The following ADAMTS12 variants were observed in gnomAD, a reference collection of about 807,000 sequenced individuals.
The protein encoded by ADAMTS12 is ADAM metallopeptidase with thrombospondin type 1 motif 12, also known as A disintegrin and metalloproteinase with thrombospondin motifs 12.
A neutral mutation model predicts 167.8 loss-of-function variants in ADAMTS12; 118 were observed. That is an observed-to-expected ratio of 0.70 (90% CI 0.61 to 0.82). The LOEUF (loss-of-function observed/expected upper bound fraction) is 0.82. Ranked by LOEUF, ADAMTS12 falls within the 40% of genes least tolerant of loss-of-function variation. The probability of loss-of-function intolerance (pLI) is 0.00; values close to 1 mark genes in which losing one functional copy is unlikely to be tolerated. For missense variants in ADAMTS12, 1,916 were observed against 1,998.8 expected (o/e 0.96, Z 0.79); for synonymous variants, 704 against 716.9 (o/e 0.98, Z 0.29).
At chr5:33,857,988 G>C (rs1749470950) in intron 2 of ADAMTS12, among the ~76,000 whole-genome samples, 1 of 152,110 alleles carries the variant, frequency 6.6e-6, no homozygotes, top group Non-Finnish European at 1.5e-5. Context: ...TAAAGTAAAA[G>C]AATTCAACAA....
intron 2 of ADAMTS12, among the ~76,000 whole-genome samples, chr5:33,761,507 G>A (rs1234400557): frequency 6.6e-6 from 1 of 152,218 alleles, no homozygotes; most frequent in Non-Finnish European, 1.5e-5. Flanking sequence ...TCACAGCAGA[G>A]AAAGGGTAAC....
In ADAMTS12 at chr5:33,559,750, G is replaced by A. The variant is rs533128030; in HGVS notation, c.4125+1277C>T. 2.6e-5 allele frequency among the ~76,000 whole-genome samples: 4 copies of A among 152,208 alleles called. No homozygotes were observed. The East Asian group carries it at 7.7e-4, about 29-fold the overall frequency. Reference sequence around the variant, plus strand: ...ACAAAAATCAGCCTGGTATGGTGGTGCATGCCTGTAATCCCAGCTACCCGG... The same window carrying A: ...ACAAAAATCAGCCTGGTATGGTGGTACATGCCTGTAATCCCAGCTACCCGG... On this transcript the variant is annotated intron_variant, in intron 20 of 23. Transcript: ENST00000504830.
rs1260241288 is a variant in ADAMTS12, at chr5:33,757,694, A to G, written c.490-6146T>C. Among the ~76,000 whole-genome samples, 5 of 152,244 alleles carry G rather than the reference A, an allele frequency of 3.3e-5. No homozygotes were observed. In the East Asian group the frequency reaches 9.6e-4, roughly 29 times the overall value. ...TAAAAGAATATAGGATCAAAAACGT[A>G]TGATATGGTTGAATAGAAACAGCAT... On this transcript the variant is annotated intron_variant, in intron 2 of 23. Coordinates refer to ENST00000504830, the MANE Select transcript of ADAMTS12 (RefSeq NM_030955.4).
chr5:33,569,354 G>A (rs1192029931), intron 19 of ADAMTS12, among the ~76,000 whole-genome samples: 1 of 152,198 alleles, frequency 6.6e-6, no homozygotes, highest in Non-Finnish European at 1.5e-5. Flanking sequence ...CCCCAGTAGG[G>A]GCAGACTGAC....
At position 33,546,130 on chromosome 5, in the gene ADAMTS12, T is replaced by C. The variant is rs1244211383; in HGVS notation, c.4375A>G (p.Lys1459Glu). Reference sequence around the variant, plus strand: ...CAAGACATGGTGGATGTGGGTCTTTTTGTCCAATCACAGAGGCCTCCTGGA... The same window carrying C: ...CAAGACATGGTGGATGTGGGTCTTTCTGTCCAATCACAGAGGCCTCCTGGA... ...FCPGGLCDWT[K>E]RPTSTMSCNE... Residue 1459 changes from lysine to glutamate, a missense_variant, in exon 22 of 24, where the codon AAA becomes GAA. By Grantham distance (56) the Lys-to-Glu change is moderately conservative. Transcript: ENST00000504830. The C allele has an allele frequency of 1.9e-6, 3 of 1,614,080 alleles. No homozygotes were observed. Among genetic ancestry groups the C allele is most frequent in the Non-Finnish European group, 2.5e-6 (3 of 1,180,008 alleles).
At chr5:33,588,562 G>A (rs753833069) in intron 18 of ADAMTS12, 37 bp downstream of exon 18, 1 of 1,605,626 alleles carries the variant, frequency 6.2e-7, no homozygotes, top group South Asian at 1.1e-5. Flanking sequence ...GATGAAGCTT[G>A]AATAATGCCA....
intron 13 of ADAMTS12, among the ~76,000 whole-genome samples, chr5:33,625,459 A>G (rs911012248): frequency 6.6e-5 from 10 of 152,236 alleles, no homozygotes; most frequent in Non-Finnish European, 1.5e-4. Context: ...GCTGACATCT[A>G]CAACCACATT....
chr5:33,650,699 G>A (rs1415562783), intron 7 of ADAMTS12, among the ~76,000 whole-genome samples: 1 of 152,166 alleles, frequency 6.6e-6, no homozygotes, highest in Non-Finnish European at 1.5e-5. Context: ...ATGGCACGAG[G>A]GTGCCTAGGG....
chr5:33,799,375 T>C (rs13162619), intron 2 of ADAMTS12, among the ~76,000 whole-genome samples: 11,054 of 152,224 alleles, frequency 0.073, 568 homozygotes, highest in Non-Finnish European at 0.11. Context: ...CCTCACCCTT[T>C]CCCAAGGGGC....
chr5:33,602,487 C>T (rs1738237858), intron 16 of ADAMTS12, among the ~76,000 whole-genome samples: 1 of 152,188 alleles, frequency 6.6e-6, no homozygotes, highest in Non-Finnish European at 1.5e-5. Flanking sequence ...TGAAGTCCTA[C>T]ATTATGACAG....
intron 19 of ADAMTS12, among the ~76,000 whole-genome samples, chr5:33,568,022 A>G (rs1746097584): frequency 6.6e-6 from 1 of 152,124 alleles, no homozygotes; most frequent in South Asian, 2.1e-4. Context: ...GGAAAATACT[A>G]CCAATCTCCT....
In ADAMTS12 at chr5:33,637,756, A is replaced by C; in HGVS notation, c.1719-10T>G. On this transcript the variant is annotated splice_polypyrimidine_tract_variant and intron_variant, in intron 11 of 23. Coordinates refer to ENST00000504830, the MANE Select transcript of ADAMTS12 (RefSeq NM_030955.4). Reference sequence around the variant, plus strand: ...CCCTCCAAACTTTGGCCTGCAAATGAAACAGACAAGCTTTTCTTTTAGTTT... The same window carrying C: ...CCCTCCAAACTTTGGCCTGCAAATGCAACAGACAAGCTTTTCTTTTAGTTT... The C allele has an allele frequency of 6.2e-7, 1 of 1,611,574 alleles. No homozygotes were observed. The highest frequency in any genetic ancestry group is 8.5e-7 in the Non-Finnish European group (1 of 1,178,576).
chr5:33,668,731 G>T (rs1465035665), intron 5 of ADAMTS12, among the ~76,000 whole-genome samples: 2 of 152,164 alleles, frequency 1.3e-5, no homozygotes, highest in Non-Finnish European at 2.9e-5. Context: ...TGATCCATCT[G>T]CCTTGGCCTC....
chr5:33,593,444 A>G (rs985944506), intron 17 of ADAMTS12, among the ~76,000 whole-genome samples: 4 of 152,288 alleles, frequency 2.6e-5, no homozygotes, highest in African/African-American at 9.6e-5. Context: ...TGAAAGCTTT[A>G]GAGTCTTCAT....
At chr5:33,714,571 A>T (rs1362578108) in intron 3 of ADAMTS12, among the ~76,000 whole-genome samples, 1 of 152,060 alleles carries the variant, frequency 6.6e-6, no homozygotes, top group East Asian at 1.9e-4. Flanking sequence ...ACAGATGAAC[A>T]GATAAAGAAA....
At chr5:33,583,602 C>T (rs536736252) in intron 18 of ADAMTS12, among the ~76,000 whole-genome samples, 12 of 152,312 alleles carry the variant, frequency 7.9e-5, no homozygotes, top group African/African-American at 2.9e-4. Flanking sequence ...TATTTACATT[C>T]CTACCAACAG....
intron 6 of ADAMTS12, among the ~76,000 whole-genome samples, chr5:33,658,888 G>A (rs185233625): frequency 1.3e-5 from 2 of 152,144 alleles, no homozygotes; most frequent in East Asian, 3.9e-4. Flanking sequence ...GCCTGTGTGT[G>A]CATGTACATC....
At chr5:33,551,004 T>C (rs1214124028) in intron 20 of ADAMTS12, among the ~76,000 whole-genome samples, 3 of 152,182 alleles carry the variant, frequency 2.0e-5, no homozygotes, top group African/African-American at 7.2e-5. Flanking sequence ...AATGATCTCA[T>C]TGGCAGTCTT....
intron 18 of ADAMTS12, among the ~76,000 whole-genome samples, chr5:33,582,634 T>G (rs57368769): frequency 0.04 from 6,081 of 152,246 alleles, 384 homozygotes; most frequent in African/African-American, 0.13. Flanking sequence ...TTATCGATTC[T>G]CAGTACCTTG....
Sources: gnomAD v4.1 joint callset for allele counts (sites outside exome capture counted in the v4.1 genomes callset) on GRCh38, gnomAD v4.1.1 for gene constraint, MANE v1.5 for transcripts, NCBI Gene and HGNC (gene_info 2026-07-23, HGNC 2026-07-21) for gene names.